IKBKB: variants seen among roughly 807,000 people sequenced by gnomAD.
IKBKB encodes the protein inhibitor of nuclear factor kappa-B kinase subunit beta.
IKBKB carries 42 observed loss-of-function variants against 113.6 expected under a neutral mutation model. The observed-to-expected ratio is 0.37, with a 90% CI of 0.29 to 0.48. The LOEUF (loss-of-function observed/expected upper bound fraction) is 0.48. Ranked by LOEUF, IKBKB falls within the 20% of genes least tolerant of loss-of-function variation. The pLI, the probability that IKBKB is intolerant of heterozygous loss-of-function variation, is 0.99. For missense variants in IKBKB, 673 were observed against 939.7 expected, an observed-to-expected ratio of 0.72 and a Z score of 3.71; for synonymous variants, 296 against 361.3, an observed-to-expected ratio of 0.82 and a Z score of 2.05.
rs756057797 is a variant in IKBKB at position 42,314,328 on chromosome 8, A to C, written c.699A>C (p.Ser233=). The C allele has an allele frequency of 6.2e-7, 1 of 1,612,606 alleles. No homozygotes were observed. The highest frequency in any genetic ancestry group is 8.5e-7 in the Non-Finnish European group (1 of 1,178,710). The part of the protein sequence containing the change: ...LPNWQPVQWH[S]KVRQKSEVDI... ...ACAAGATTCATATTTGCAGGCATTC[A>C]AAAGTGCGGCAGAAGAGTGAGGTGG... The change falls in exon 9 of 22, where the codon TCA becomes TCC. Residue 233 remains serine, a synonymous_variant. Transcript: ENST00000520810.
rs185696288 is a variant in IKBKB at position 42,304,224 on chromosome 8, A to G, written c.389-963A>G. ...CTCTCTAGGCTACATCTCCAAATCT[A>G]TCTCCATCTCTAGTCATAGCATCTC... On this transcript the variant is annotated intron_variant, in intron 5 of 21. Coordinates refer to ENST00000520810, the MANE Select transcript of IKBKB (RefSeq NM_001556.3). Among the ~76,000 whole-genome samples, 346 of 152,354 alleles carry G rather than the reference A, an allele frequency of 2.3e-3. 1 individual carries two copies. Among genetic ancestry groups the G allele is most frequent in the Non-Finnish European group, 1.9e-3 (131 of 68,030 alleles).
chr8:42,271,382 G>C lies in IKBKB; in HGVS notation c.-106G>C, dbSNP rs1275457168. On this transcript the variant is annotated 5_prime_UTR_variant, in exon 1 of 22. Transcript: ENST00000520810. The stretch of plus-strand genomic sequence containing the variant: ...ATTCCCGCATTTTAATGTTTTCAGG[G>C]GGGTGTCATAGCCCCGGGTTTGGCC... 3 of 1,510,424 alleles carry C rather than the reference G, an allele frequency of 2.0e-6. No individual in the cohort carries two copies. Among genetic ancestry groups the C allele is most frequent in the Non-Finnish European group, 1.8e-6 (2 of 1,124,626 alleles). The allele number at this position is 1,510,424 out of a possible 1,614,324, so 93.6% of individuals were successfully genotyped here.
chr8:42,297,834 G>T (rs1722713884), intron 5 of IKBKB, among the ~76,000 whole-genome samples: 2 of 152,174 alleles, frequency 1.3e-5, no homozygotes, highest in African/African-American at 4.8e-5. Context: ...GGCAGAGGTT[G>T]CAGTGAGCCG....
chr8:42,296,976 A>G (rs1444759221), intron 5 of IKBKB, among the ~76,000 whole-genome samples: 2 of 152,042 alleles, frequency 1.3e-5, no homozygotes, highest in African/African-American at 2.4e-5. Flanking sequence ...CCCGCTCTGG[A>G]TTTTGATTTT....
chr8:42,322,089 C>A lies in IKBKB; in HGVS notation c.1774C>A (p.Arg592=), dbSNP rs1178717538. ...TGAGGGTGACAGTCAGGAAATGGTACGGCTGCTGCTTCAGGCAATTCAGAG... is the reference window on the plus strand; with the variant it reads ...TGAGGGTGACAGTCAGGAAATGGTAAGGCTGCTGCTTCAGGCAATTCAGAG... ...RTEGDSQEMV[R]LLLQAIQSFE... Residue 592 remains arginine (R), a synonymous_variant, in exon 18 of 22, where the codon CGG becomes AGG. Transcript: ENST00000520810. The A allele has an allele frequency of 6.2e-7, 1 of 1,613,914 alleles. No individual in the cohort carries two copies. Among genetic ancestry groups the A allele is most frequent in the Admixed American group, 1.7e-5 (1 of 60,002 alleles).
intron 2 of IKBKB, among the ~76,000 whole-genome samples, chr8:42,274,792 C>CG (rs1345297909): frequency 3.8e-5 from 3 of 79,352 alleles, no homozygotes; most frequent in African/African-American, 5.9e-5. Context: ...GCGCGCCCCC[C>CG]CCCCCCCCCG....
chr8:42,310,955 C>A (rs1285968839), intron 8 of IKBKB, among the ~76,000 whole-genome samples: 1 of 152,192 alleles, frequency 6.6e-6, no homozygotes, highest in African/African-American at 2.4e-5. Flanking sequence ...ATAATTTTTA[C>A]TTCTTAAAAT....
chr8:42,300,678 A>C (rs1178476163), intron 5 of IKBKB, among the ~76,000 whole-genome samples: 1 of 152,174 alleles, frequency 6.6e-6, no homozygotes, highest in Non-Finnish European at 1.5e-5. Flanking sequence ...CTTCCTCATG[A>C]GCCAGGGAAA....
At chr8:42,303,092 T>A (rs868062258) in intron 5 of IKBKB, among the ~76,000 whole-genome samples, 11,020 of 64,424 alleles carry the variant, frequency 0.17, no homozygotes, top group Non-Finnish European at 0.24. Flanking sequence ...AGAGAGAGAA[T>A]GAGAGAGAGA....
chr8:42,284,852 C>CTTT (rs559953662), intron 2 of IKBKB, among the ~76,000 whole-genome samples: 44 of 116,082 alleles, frequency 3.8e-4, no homozygotes, highest in Non-Finnish European at 5.8e-4. Flanking sequence ...AAACGTTATT[C>CTTT]TTTTTTTTTT....
chr8:42,325,235 G>A, intron 19 of IKBKB: 4 of 985,698 alleles, frequency 4.1e-6, no homozygotes, highest in Non-Finnish European at 4.8e-6. Flanking sequence ...CGGGCTGGGA[G>A]GGGCAGTGGC....
At position 42,294,083 on chromosome 8, in the gene IKBKB, G is replaced by A. The variant is rs1813216358; in HGVS notation, c.388+571G>A. 2.0e-5 allele frequency among the ~76,000 whole-genome samples: 3 copies of A among 152,216 alleles called. No homozygotes were observed. In the South Asian group the frequency reaches 6.2e-4, roughly 32 times the overall value. On this transcript the variant is annotated intron_variant, in intron 5 of 21. Coordinates refer to ENST00000520810, the MANE Select transcript of IKBKB (RefSeq NM_001556.3). ...GGCGCTCACTCAGGAGGGGTCTGAG[G>A]GCTGGGCGCTAAAGGTCAGCACCTG...
intron 16 of IKBKB, chr8:42,321,174 G>C: frequency 4.6e-6 from 1 of 218,000 alleles, no homozygotes; most frequent in Non-Finnish European, 9.1e-6. Context: ...CCCTGACTCA[G>C]GCATAGCTCA....
chr8:42,322,064 T>C lies in IKBKB; in HGVS notation c.1749T>C (p.Thr583=), dbSNP rs201016472. 2.5e-6 allele frequency: 4 copies of C among 1,613,578 alleles called. No individual in the cohort carries two copies. The highest frequency in any genetic ancestry group is 3.4e-6 in the Non-Finnish European group (4 of 1,179,792). ...RLREKPRDQR[T]EGDSQEMVRL... is the part of the protein sequence containing the mutation. ...CCTCCCTCTCTCCAGACCAGCGAAC[T>C]GAGGGTGACAGTCAGGAAATGGTAC... The change falls in exon 18 of 22, where the codon ACT becomes ACC. Residue 583 remains threonine, a synonymous_variant. Transcript: ENST00000520810.
Position 42,331,287 on chromosome 8 carries a change from T to A in IKBKB, c.*308T>A. The A allele has an allele frequency of 1.4e-6, 1 of 702,300 alleles. No homozygotes were observed. Among genetic ancestry groups the A allele is most frequent in the South Asian group, 1.5e-5 (1 of 67,560 alleles). 43.5% of individuals were successfully genotyped at this position (702,300 alleles called of 1,614,324 possible). On this transcript the variant is annotated 3_prime_UTR_variant, in exon 22 of 22. Coordinates refer to ENST00000520810, the MANE Select transcript of IKBKB (RefSeq NM_001556.3). Reference sequence around the variant, plus strand: ...ATTACAGAGGCCCAGCGCACATCGCTGGCCCCACAAACGTTCAGGGGTACA... The same window carrying A: ...ATTACAGAGGCCCAGCGCACATCGCAGGCCCCACAAACGTTCAGGGGTACA...
At chr8:42,280,367 T>C (rs1477127132) in intron 2 of IKBKB, among the ~76,000 whole-genome samples, 1 of 152,138 alleles carries the variant, frequency 6.6e-6, no homozygotes, top group Non-Finnish European at 1.5e-5. Context: ...CACAAACCAC[T>C]TCCCAGTACC....
At chr8:42,288,057 G>A (rs1392064101) in intron 2 of IKBKB, among the ~76,000 whole-genome samples, 9 of 152,080 alleles carry the variant, frequency 5.9e-5, no homozygotes, top group African/African-American at 1.9e-4. Context: ...ATGGAGCAGG[G>A]CCTTGAAGGC....
Position 42,331,299 on chromosome 8 carries a change from C to G in IKBKB, c.*320C>G, listed in dbSNP as rs200560865. 1.4e-6 allele frequency: 1 copy of G among 702,314 alleles called. No individual in the cohort carries two copies. The highest frequency in any genetic ancestry group is 2.0e-5 in the Admixed American group (1 of 50,006). 43.5% of individuals were successfully genotyped at this position (702,314 alleles called of 1,614,324 possible). ...CAGCGCACATCGCTGGCCCCACAAA[C>G]GTTCAGGGGTACAGCCATGGCAGCT... On this transcript the variant is annotated 3_prime_UTR_variant, in exon 22 of 22. Transcript: ENST00000520810.
At chr8:42,282,563 A>G (rs1810591006) in intron 2 of IKBKB, among the ~76,000 whole-genome samples, 1 of 152,180 alleles carries the variant, frequency 6.6e-6, no homozygotes, top group East Asian at 1.9e-4. Context: ...GAAGTTGGGT[A>G]CTGAGATGGC....
Sources: allele counts gnomAD v4.1 joint callset (sites outside exome capture counted in the v4.1 genomes callset), GRCh38; gene constraint gnomAD v4.1.1; transcripts MANE v1.5; gene names NCBI Gene and HGNC (gene_info 2026-07-23, HGNC 2026-07-21).